NFIB: variants seen among roughly 807,000 people sequenced by gnomAD.
NFIB encodes nuclear factor I B, also known as nuclear factor 1 B-type.
Under a neutral mutation model 61.5 loss-of-function variants are expected in NFIB, and 11 were observed. The observed-to-expected ratio is 0.18, with a 90% CI of 0.11 to 0.30. The LOEUF is 0.30. Ranked by LOEUF, NFIB falls within the 10% of genes least tolerant of loss-of-function variation. The pLI, the probability that NFIB is intolerant of heterozygous loss-of-function variation, is 1.00. For missense variants in NFIB, 471 were observed against 608.9 expected (o/e 0.77, Z 2.38); for synonymous variants, 260 against 216.5 (o/e 1.20, Z -1.76).
intron 1 of NFIB, among the ~76,000 whole-genome samples, chr9:14,370,117 CA>C (rs1294732064): frequency 6.6e-6 from 1 of 152,222 alleles, no homozygotes; most frequent in African/African-American, 2.4e-5. Context: ...TCCCTTCAAG[CA>C]GCTTTCTCTG....
At chr9:14,252,274 A>T (rs186760117) in intron 2 of NFIB, among the ~76,000 whole-genome samples, 1 of 152,166 alleles carries the variant, frequency 6.6e-6, no homozygotes, top group East Asian at 1.9e-4. Flanking sequence ...TGCCTTAAAA[A>T]CCTTGAAATA....
chr9:14,522,852 A>G, the NFIB span, among the ~76,000 whole-genome samples: 2 of 152,118 alleles, frequency 1.3e-5, no homozygotes, highest in Non-Finnish European at 2.9e-5. Flanking sequence ...TATCTTGTAG[A>G]CACAGCTCTT....
intron 1 of NFIB, among the ~76,000 whole-genome samples, chr9:14,336,573 T>C (rs2060888044): frequency 6.6e-6 from 1 of 152,214 alleles, no homozygotes; most frequent in South Asian, 2.1e-4. Context: ...ATAATCTCAC[T>C]TCTAGAGATA....
At chr9:14,300,805 C>T (rs980921564) in intron 2 of NFIB, among the ~76,000 whole-genome samples, 2 of 152,176 alleles carry the variant, frequency 1.3e-5, no homozygotes, top group African/African-American at 4.8e-5. Flanking sequence ...GGCAAGAGCG[C>T]TAGTGTCAGA....
chr9:14,214,381 C>G (rs1405818616), intron 2 of NFIB, among the ~76,000 whole-genome samples: 1 of 152,226 alleles, frequency 6.6e-6, no homozygotes, highest in African/African-American at 2.4e-5. Context: ...TCTTGAAACT[C>G]TTAATTTTTG....
At chr9:14,350,602 C>T (rs2061096829) in intron 1 of NFIB, among the ~76,000 whole-genome samples, 1 of 152,140 alleles carries the variant, frequency 6.6e-6, no homozygotes, top group Admixed American at 6.5e-5. Context: ...ACGACCTCCT[C>T]TTTAGGGAGG....
intron 9 of NFIB, 135 bp from the exon 10 acceptor site, chr9:14,113,216 G>T: frequency 1.5e-6 from 1 of 657,964 alleles, no homozygotes; most frequent in Non-Finnish European, 2.5e-6. Context: ...CTTCTCTTTT[G>T]TCTGAGTGAA....
the NFIB span, among the ~76,000 whole-genome samples, chr9:14,495,445 A>ATTTTTTTTTTTTTTTT: frequency 6.1e-5 from 6 of 98,126 alleles, no homozygotes; most frequent in Admixed American, 2.1e-4. Flanking sequence ...AGAGAAATGA[A>ATTTTTTTTTTTTTTTT]CTTTTTTTTT....
At chr9:14,366,908 G>A (rs938296414) in intron 1 of NFIB, among the ~76,000 whole-genome samples, 1 of 152,134 alleles carries the variant, frequency 6.6e-6, no homozygotes, top group Non-Finnish European at 1.5e-5. Context: ...CACATTTCAG[G>A]CACCTCCAGC....
intron 1 of NFIB, among the ~76,000 whole-genome samples, chr9:14,370,375 G>A (rs2061345624): frequency 6.6e-6 from 1 of 152,146 alleles, no homozygotes; most frequent in African/African-American, 2.4e-5. Context: ...CAACACAAGG[G>A]TAGTTAACTG....
intron 2 of NFIB, among the ~76,000 whole-genome samples, chr9:14,224,981 T>C (rs1015772935): frequency 2.6e-5 from 4 of 152,176 alleles, no homozygotes; most frequent in African/African-American, 9.7e-5. Context: ...CATTACAATA[T>C]TGTTAACTAT....
At chr9:14,246,777 T>C (rs2054977648) in intron 2 of NFIB, among the ~76,000 whole-genome samples, 2 of 152,202 alleles carry the variant, frequency 1.3e-5, no homozygotes, top group Non-Finnish European at 2.9e-5. Flanking sequence ...AGAAAACCAC[T>C]AATATCACCC....
chr9:14,274,231 T>C (rs1470453609), intron 2 of NFIB, among the ~76,000 whole-genome samples: 6 of 144,826 alleles, frequency 4.1e-5, no homozygotes, highest in Non-Finnish European at 9.0e-5. Context: ...CCCCTTTCTC[T>C]CTCTAGCATT....
chr9:14,464,679 C>T, the NFIB span, among the ~76,000 whole-genome samples: 1 of 151,978 alleles, frequency 6.6e-6, no homozygotes, highest in Non-Finnish European at 1.5e-5. Context: ...GGGTGCTTGG[C>T]CGAGACCCCC....
At chr9:14,384,314 T>C (rs1173843482) in intron 1 of NFIB, among the ~76,000 whole-genome samples, 1 of 152,186 alleles carries the variant, frequency 6.6e-6, no homozygotes, top group Non-Finnish European at 1.5e-5. Context: ...CTAGAGGCCT[T>C]GACAAATATT....
intron 2 of NFIB, among the ~76,000 whole-genome samples, chr9:14,279,218 C>A (rs2058207379): frequency 6.6e-6 from 1 of 152,062 alleles, no homozygotes; most frequent in South Asian, 2.1e-4. Flanking sequence ...GGTAATGGAA[C>A]CAAAAATGGA....
intron 2 of NFIB, among the ~76,000 whole-genome samples, chr9:14,226,066 G>C (rs1348500470): frequency 1.3e-5 from 2 of 151,478 alleles, no homozygotes; most frequent in Non-Finnish European, 2.9e-5. Flanking sequence ...AATTGGGAAG[G>C]TATGTACTAT....
chr9:14,101,079 G>A (rs1018039175), intron 10 of NFIB, among the ~76,000 whole-genome samples: 1 of 152,082 alleles, frequency 6.6e-6, no homozygotes, highest in African/African-American at 2.4e-5. Context: ...ACTTTAAAAT[G>A]TATATTAATT....
At chr9:14,350,912 G>C (rs2061101587) in intron 1 of NFIB, among the ~76,000 whole-genome samples, 1 of 152,116 alleles carries the variant, frequency 6.6e-6, no homozygotes. Flanking sequence ...GCTTTAAATA[G>C]GAAGGAGACC....
Sources: allele counts gnomAD v4.1 joint callset (sites outside exome capture counted in the v4.1 genomes callset), GRCh38; gene constraint gnomAD v4.1.1; transcripts MANE v1.5; gene names NCBI Gene and HGNC (gene_info 2026-07-23, HGNC 2026-07-21).